IRX3: variants seen among roughly 807,000 people sequenced by gnomAD.
The protein encoded by IRX3 is iroquois-class homeodomain protein IRX-3.
IRX3 carries 20 observed loss-of-function variants against 36.4 expected under a neutral mutation model. The ratio of observed to expected loss-of-function variants is 0.55; its 90% CI spans 0.39 to 0.80. The LOEUF (loss-of-function observed/expected upper bound fraction) is 0.80, where lower values mean the gene tolerates loss of function less well. IRX3 is among the 30% of genes least tolerant of loss of function. The pLI is 0.00. For missense variants in IRX3, 718 were observed against 733.2 expected, an observed-to-expected ratio of 0.98 and a Z score of 0.24; for synonymous variants, 404 against 351.6, an observed-to-expected ratio of 1.15 and a Z score of -1.67.
rs374924050 is a variant in IRX3, at chr16:54,284,269, T to C, written c.1428A>G (p.Thr476=). 1.3e-4 allele frequency: 208 copies of C among 1,612,384 alleles called. No homozygotes were observed. Among genetic ancestry groups the C allele is most frequent in the Non-Finnish European group, 1.7e-4 (200 of 1,179,248 alleles). Residue 476 remains threonine (T), a synonymous_variant, in exon 3 of 4, where the codon ACA becomes ACG. Coordinates refer to ENST00000329734, the MANE Select transcript of IRX3 (RefSeq NM_024336.3). The surrounding 1 kb of genome is among the most constrained non-coding windows in gnomAD (Gnocchi z 4.0). ...ACCGCCTGGGCACGGGCTGGAAAGC[T>C]GTCTTGAGTAACTTTTTCTCCACTT... is the stretch of plus-strand genomic sequence containing the variant. ...ALEVEKKLLK[T]AFQPVPRRPQ... is the part of the protein sequence containing the mutation.
At position 54,285,139 on chromosome 16, in the gene IRX3, C is replaced by G. The variant is rs762552381; in HGVS notation, c.742G>C (p.Asp248His). The G allele has an allele frequency of 1.2e-6, 2 of 1,611,976 alleles. No homozygotes were observed. The highest frequency in any genetic ancestry group is 1.7e-6 in the Non-Finnish European group (2 of 1,179,246). The change falls in exon 2 of 4, where the codon GAC (aspartate) becomes CAC (histidine). Residue 248 changes from aspartate to histidine, a missense_variant. Coordinates refer to ENST00000329734, the MANE Select transcript of IRX3 (RefSeq NM_024336.3). The surrounding 1 kb of genome is among the most constrained non-coding windows in gnomAD (Gnocchi z 5.7). ...AAATCGATCTCCTCGTCCTCGTCGT[C>G]GTCAGCCAGGCCCTCGCCCCCCGTG... ...EDTGGEGLAD[D>H]DEDEEIDLEN...
chr16:54,284,292 C>T lies in IRX3; in HGVS notation c.1405G>A (p.Val469Met). The T allele has an allele frequency of 2.5e-6, 4 of 1,612,252 alleles. No homozygotes were observed. Among genetic ancestry groups the T allele is most frequent in the Non-Finnish European group, 3.4e-6 (4 of 1,179,128 alleles). Residue 469 changes from valine (V) to methionine (M), a missense_variant, in exon 3 of 4, where the codon GTG (valine) becomes ATG (methionine). Coordinates refer to ENST00000329734, the MANE Select transcript of IRX3 (RefSeq NM_024336.3). The surrounding 1 kb of genome is among the most constrained non-coding windows in gnomAD (Gnocchi z 4.0). ...GGTDRCSALE[V>M]EKKLLKTAFQ... The stretch of plus-strand genomic sequence containing the variant: ...GCTGTCTTGAGTAACTTTTTCTCCA[C>T]TTCCAAGGCACTACAGCGATCTAAG...
rs765058196 is a variant in IRX3 at position 54,285,879 on chromosome 16, C to A, written c.172G>T (p.Gly58Trp). ...SLSNVLSSVY[G>W]APYAAAAAAA... is the part of the protein sequence containing the mutation. ...GCAGCGGCCGCGGCGTAGGGCGCCCCGTACACGGACGAGAGCACGTTGGAC... is the reference window on the plus strand; with the variant it reads ...GCAGCGGCCGCGGCGTAGGGCGCCCAGTACACGGACGAGAGCACGTTGGAC... Residue 58 changes from glycine (G) to tryptophan (W), a missense_variant, in exon 1 of 4, where the codon GGG (glycine) becomes TGG (tryptophan). This residue lies in a region of IRX3 where 204 missense variants were observed against 181.4 expected (regional missense o/e 1.12). Transcript: ENST00000329734. The surrounding 1 kb of genome is among the most constrained non-coding windows in gnomAD (Gnocchi z 5.7). 8 of 1,538,704 alleles carry A rather than the reference C, an allele frequency of 5.2e-6. No homozygotes were observed. The highest frequency in any genetic ancestry group is 2.0e-5 in the Admixed American group (1 of 50,432).
chr16:54,284,935 G>T lies in IRX3; in HGVS notation c.946C>A (p.Pro316Thr), dbSNP rs773543799. ...PVLSLAPAPP[P>T]VAVASPSLPS... ...AGAGACGGCGAGGCCACGGCCACTG[G>T]TGGTGGCGCTGGAGCCAGACTCAGG... The change falls in exon 2 of 4, where the codon CCA (proline) becomes ACA (threonine). Residue 316 changes from proline to threonine, a missense_variant. By Grantham distance (38) the Pro-to-Thr change is conservative. This residue lies in a region of IRX3 where 468 missense variants were observed against 462.1 expected (regional missense o/e 1.01). Coordinates refer to ENST00000329734, the MANE Select transcript of IRX3 (RefSeq NM_024336.3). The surrounding 1 kb of genome is among the most constrained non-coding windows in gnomAD (Gnocchi z 4.0). 6.2e-7 allele frequency: 1 copy of T among 1,604,692 alleles called. No homozygotes were observed. The highest frequency in any genetic ancestry group is 8.5e-7 in the Non-Finnish European group (1 of 1,176,140).
chr16:54,283,628 T>C lies in IRX3; in HGVS notation c.*58A>G. Reference sequence around the variant, plus strand: ...TAACTATACAGAGCGATTTTTTTTATACAATTATTACAACGATTAAAAAAA... The same window carrying C: ...TAACTATACAGAGCGATTTTTTTTACACAATTATTACAACGATTAAAAAAA... On this transcript the variant is annotated 3_prime_UTR_variant, in exon 4 of 4. Coordinates refer to ENST00000329734, the MANE Select transcript of IRX3 (RefSeq NM_024336.3). The surrounding 1 kb of genome is among the most constrained non-coding windows in gnomAD (Gnocchi z 4.4). 1 of 812,948 alleles carries C rather than the reference T, an allele frequency of 1.2e-6. No individual in the cohort carries two copies. Among genetic ancestry groups the C allele is most frequent in the Non-Finnish European group, 2.1e-6 (1 of 484,528 alleles). The allele number at this position is 812,948 out of a possible 1,614,324, so 50.4% of individuals were successfully genotyped here.
Position 54,285,046 on chromosome 16 carries a change from C to A in IRX3, c.835G>T (p.Asp279Tyr). ...SLAGAARRDG[D>Y]LGLGPISDSK... ...TCCGAAATGGGTCCCAGGCCTAGGT[C>A]GCCATCCCTGCGCGCCGCCCCAGCC... The change falls in exon 2 of 4, where the codon GAC (aspartate) becomes TAC (tyrosine). Residue 279 changes from aspartate to tyrosine, a missense_variant. Around this residue, in one of 3 missense-constraint regions of IRX3, gnomAD observed 468 missense variants for 462.1 expected, o/e 1.01. Coordinates refer to ENST00000329734, the MANE Select transcript of IRX3 (RefSeq NM_024336.3). This position sits in a 1 kb window ranked among gnomAD's most constrained non-coding sequence, Gnocchi z 5.7. The A allele has an allele frequency of 6.2e-7, 1 of 1,613,912 alleles. No homozygotes were observed. The highest frequency in any genetic ancestry group is 8.5e-7 in the Non-Finnish European group (1 of 1,179,992).
In IRX3 at chr16:54,286,418, C is replaced by G; in HGVS notation, c.-368G>C. 1.0e-6 allele frequency: 1 copy of G among 984,262 alleles called. No individual in the cohort carries two copies. The highest frequency in any genetic ancestry group is 1.2e-6 in the Non-Finnish European group (1 of 828,828). The allele number at this position is 984,262 out of a possible 1,614,324, so 61.0% of individuals were successfully genotyped here. A position where few individuals can be genotyped will look rare whatever the true frequency, so the allele number is the denominator to read the frequency against. ...ACTGCCCTCCTCTCCCCAGCAGTGTCGCGCCTCGCTTCCTTCGCCCTCCTC... is the reference window on the plus strand; with the variant it reads ...ACTGCCCTCCTCTCCCCAGCAGTGTGGCGCCTCGCTTCCTTCGCCCTCCTC... On this transcript the variant is annotated 5_prime_UTR_variant, in exon 1 of 4. Coordinates refer to ENST00000329734, the MANE Select transcript of IRX3 (RefSeq NM_024336.3).
Position 54,284,920 on chromosome 16 carries a change from AGGCCAC to A in IRX3, c.955_960del (p.Val319_Ala320del). 2.5e-6 allele frequency: 4 copies of A among 1,592,840 alleles called. No homozygotes were observed. Among genetic ancestry groups the A allele is most frequent in the Non-Finnish European group, 3.4e-6 (4 of 1,170,408 alleles). ...ACGGGGGGCGACGGCAGAGACGGCGAGGCCACGGCCACTGGTGGTGGCGCTGGAGCC... is the reference window on the plus strand; with the variant it reads ...ACGGGGGGCGACGGCAGAGACGGCGAGGCCACTGGTGGTGGCGCTGGAGCC... On this transcript the variant is annotated inframe_deletion, in exon 2 of 4. Coordinates refer to ENST00000329734, the MANE Select transcript of IRX3 (RefSeq NM_024336.3). The surrounding 1 kb of genome is among the most constrained non-coding windows in gnomAD (Gnocchi z 4.0).
chr16:54,284,882 G>C lies in IRX3; in HGVS notation c.999C>G (p.Pro333=), dbSNP rs12926111. ...AGGCGGGGGCTGGTGCGGGAGCGCA[G>C]GGGTCCAGGCTCACGGGGGGCGACG... is the stretch of plus-strand genomic sequence containing the variant. ...SLPSPPVSLD[P]CAPAPAPASA... The change falls in exon 2 of 4, where the codon CCC becomes CCG. Residue 333 remains proline, a synonymous_variant. Transcript: ENST00000329734. The surrounding 1 kb of genome is among the most constrained non-coding windows in gnomAD (Gnocchi z 4.0). The C allele has an allele frequency of 6.4e-7, 1 of 1,559,072 alleles. No individual in the cohort carries two copies. The highest frequency in any genetic ancestry group is 1.2e-5 in the South Asian group (1 of 84,050).
chr16:54,286,026 G>C lies in IRX3; in HGVS notation c.25C>G (p.Gln9Glu), dbSNP rs1426740381. 3.8e-6 allele frequency: 5 copies of C among 1,328,472 alleles called. No individual in the cohort carries two copies. Among genetic ancestry groups the C allele is most frequent in the Non-Finnish European group, 4.8e-6 (5 of 1,042,038 alleles). The allele number at this position is 1,328,472 out of a possible 1,614,324, so 82.3% of individuals were successfully genotyped here. ...GACGGGTAAAGCGGGCGGATGTATT[G>C]GTATCCCAGCTGGGGGAAGGACATG... Reference protein sequence around the residue: MSFPQLGYQYIRPLYPSER... With the variant: MSFPQLGYEYIRPLYPSER... Residue 9 changes from glutamine to glutamate, a missense_variant, in exon 1 of 4, where the codon CAA becomes GAA. Coordinates refer to ENST00000329734, the MANE Select transcript of IRX3 (RefSeq NM_024336.3).
In IRX3 at chr16:54,284,371, G is replaced by A. The variant is rs1422445682; in HGVS notation, c.1385-59C>T. 3 of 1,554,170 alleles carry A rather than the reference G, an allele frequency of 1.9e-6. No individual in the cohort carries two copies. Among genetic ancestry groups the A allele is most frequent in the Non-Finnish European group, 2.6e-6 (3 of 1,154,732 alleles). On this transcript the variant is annotated intron_variant, in intron 2 of 3. Coordinates refer to ENST00000329734, the MANE Select transcript of IRX3 (RefSeq NM_024336.3). The surrounding 1 kb of genome is among the most constrained non-coding windows in gnomAD (Gnocchi z 4.0). ...TTAGAGCGCTCGGTGCCGGCGCCCA[G>A]GGCCGCAGAAAGCAGGAGTGGAGAG... is the stretch of plus-strand genomic sequence containing the variant.
Position 54,284,144 on chromosome 16 carries a change from G to T in IRX3, c.1451+102C>A, listed in dbSNP as rs1421656188. ...CTTTTACAAAATGCGTCCCAGCAGG[G>T]TTCCCCCCTACCCCGGGGCAAAAGG... On this transcript the variant is annotated intron_variant, in intron 3 of 3. Transcript: ENST00000329734. The surrounding 1 kb of genome is among the most constrained non-coding windows in gnomAD (Gnocchi z 4.0). 2 of 1,259,208 alleles carry T rather than the reference G, an allele frequency of 1.6e-6. No individual in the cohort carries two copies. Among genetic ancestry groups the T allele is most frequent in the Non-Finnish European group, 2.2e-6 (2 of 897,290 alleles). The allele number at this position is 1,259,208 out of a possible 1,614,324, so 78.0% of individuals were successfully genotyped here. A position where few individuals can be genotyped will look rare whatever the true frequency, so the allele number is the denominator to read the frequency against.
chr16:54,284,146 T>TC lies in IRX3; in HGVS notation c.1451+99dup. 7.9e-7 allele frequency: 1 copy of TC among 1,266,396 alleles called. No individual in the cohort carries two copies. Among genetic ancestry groups the TC allele is most frequent in the Non-Finnish European group, 1.1e-6 (1 of 902,810 alleles). The allele number at this position is 1,266,396 out of a possible 1,614,324, so 78.4% of individuals were successfully genotyped here. A position where few individuals can be genotyped will look rare whatever the true frequency, so the allele number is the denominator to read the frequency against. On this transcript the variant is annotated intron_variant, in intron 3 of 3. Transcript: ENST00000329734. This position sits in a 1 kb window ranked among gnomAD's most constrained non-coding sequence, Gnocchi z 4.0. ...TTTACAAAATGCGTCCCAGCAGGGT[T>TC]CCCCCCTACCCCGGGGCAAAAGGCC...
Position 54,286,161 on chromosome 16 carries a change from G to A in IRX3, c.-111C>T. The A allele has an allele frequency of 2.8e-6, 3 of 1,063,572 alleles. No individual in the cohort carries two copies. The highest frequency in any genetic ancestry group is 3.4e-6 in the Non-Finnish European group (3 of 878,358). The allele number at this position is 1,063,572 out of a possible 1,614,324, so 65.9% of individuals were successfully genotyped here. A position where few individuals can be genotyped will look rare whatever the true frequency, so the allele number is the denominator to read the frequency against. ...GGGGCTGGGCCGGGCTTGGGGCCGC[G>A]CTGCCGCCCGCGCTGCGCTGTGCTC... On this transcript the variant is annotated 5_prime_UTR_variant, in exon 1 of 4. Transcript: ENST00000329734.
Position 54,285,790 on chromosome 16 carries a change from C to G in IRX3, c.261G>C (p.Pro87=), listed in dbSNP as rs766974744. The G allele has an allele frequency of 6.4e-7, 1 of 1,554,722 alleles. No homozygotes were observed. The highest frequency in any genetic ancestry group is 1.2e-5 in the South Asian group (1 of 84,438). ...TGGCTCCGCGGGCTCTTACCAGCTG[C>G]GGGAAGATGGGCAGCTCCGCGGCGT... is the stretch of plus-strand genomic sequence containing the variant. The part of the protein sequence containing the change: ...LPYAAELPIF[P]QLGAQYELKD... Residue 87 remains proline (P), a synonymous_variant, in exon 1 of 4, where the codon CCG becomes CCC. Coordinates refer to ENST00000329734, the MANE Select transcript of IRX3 (RefSeq NM_024336.3). This position sits in a 1 kb window ranked among gnomAD's most constrained non-coding sequence, Gnocchi z 5.7.
Position 54,284,510 on chromosome 16 carries a change from G to C in IRX3, c.1371C>G (p.Pro457=). ...AAAAFARPAE[P]EGGTDRCSAL... ...CTCAGCAGTCACCTGTTCCGCCTTC[G>C]GGCTCCGCTGGCCGAGCGAAGGCGG... Residue 457 remains proline, a synonymous_variant, in exon 2 of 4, where the codon CCC becomes CCG. Transcript: ENST00000329734. The surrounding 1 kb of genome is among the most constrained non-coding windows in gnomAD (Gnocchi z 4.0). The C allele has an allele frequency of 1.4e-6, 2 of 1,405,366 alleles. No individual in the cohort carries two copies. Among genetic ancestry groups the C allele is most frequent in the Middle Eastern group, 2.6e-4 (1 of 3,876 alleles). 87.1% of individuals were successfully genotyped at this position (1,405,366 alleles called of 1,614,324 possible). A position where few individuals can be genotyped will look rare whatever the true frequency, so the allele number is the denominator to read the frequency against.
chr16:54,284,078 G>T lies in IRX3; in HGVS notation c.1451+168C>A. 1.7e-6 allele frequency: 2 copies of T among 1,146,370 alleles called. No individual in the cohort carries two copies. Among genetic ancestry groups the T allele is most frequent in the Non-Finnish European group, 2.4e-6 (2 of 832,120 alleles). 71.0% of individuals were successfully genotyped at this position (1,146,370 alleles called of 1,614,324 possible). On this transcript the variant is annotated intron_variant, in intron 3 of 3. Coordinates refer to ENST00000329734, the MANE Select transcript of IRX3 (RefSeq NM_024336.3). The surrounding 1 kb of genome is among the most constrained non-coding windows in gnomAD (Gnocchi z 4.0). ...CCTGGGCTGGACCTGGAGAGCTGTCGCAGGGCCGACAGGGGCGACTGAAAA... is the reference window on the plus strand; with the variant it reads ...CCTGGGCTGGACCTGGAGAGCTGTCTCAGGGCCGACAGGGGCGACTGAAAA...
rs777387678 is a variant in IRX3, at chr16:54,283,740, C to T, written c.1452G>A (p.Arg484=). ...GGGCGGCGTCCAGATGGTTCTGGGGCCTGGAAGAGAGAGACAGTAGTAGCA... is the reference window on the plus strand; with the variant it reads ...GGGCGGCGTCCAGATGGTTCTGGGGTCTGGAAGAGAGAGACAGTAGTAGCA... ...LKTAFQPVPR[R]PQNHLDAALV... is the part of the protein sequence containing the mutation. The change falls in exon 4 of 4, where the codon CGG becomes CGA. Residue 484 remains arginine (R), a splice_region_variant and synonymous_variant. Coordinates refer to ENST00000329734, the MANE Select transcript of IRX3 (RefSeq NM_024336.3). This position sits in a 1 kb window ranked among gnomAD's most constrained non-coding sequence, Gnocchi z 4.4. 2 of 1,597,588 alleles carry T rather than the reference C, an allele frequency of 1.3e-6. No individual in the cohort carries two copies. Among genetic ancestry groups the T allele is most frequent in the South Asian group, 1.1e-5 (1 of 90,710 alleles).
rs1169504871 is a variant in IRX3, at chr16:54,285,949, GC to G, written c.101del (p.Gly34AlafsTer10). Reference protein sequence around the residue: ...GGSGGSAGARGGLGAGASELN... With the variant: ...GGSGGSAGARXGLGAGASELN... ...GCTCCGAGGCTCCGGCACCCAGGCC[GC>G]CCCGGGCCCCCGCGCTGCCGCCGCT... On this transcript the variant is annotated frameshift_variant, in exon 1 of 4. Coordinates refer to ENST00000329734, the MANE Select transcript of IRX3 (RefSeq NM_024336.3). LOFTEE classifies it high-confidence loss of function. The surrounding 1 kb of genome is among the most constrained non-coding windows in gnomAD (Gnocchi z 5.7). 7.0e-7 allele frequency: 1 copy of G among 1,428,892 alleles called. No homozygotes were observed. Among genetic ancestry groups the G allele is most frequent in the South Asian group, 1.5e-5 (1 of 66,534 alleles). The allele number at this position is 1,428,892 out of a possible 1,614,324, so 88.5% of individuals were successfully genotyped here.
Sources: allele counts gnomAD v4.1 joint callset, GRCh38; gene constraint gnomAD v4.1.1; regional missense constraint gnomAD v4.1.1; non-coding constraint Gnocchi (gnomAD v3.1); transcripts MANE v1.5; gene names NCBI Gene and HGNC (gene_info 2026-07-23, HGNC 2026-07-21).